MAP2: variants seen among roughly 807,000 people sequenced by gnomAD.
The protein encoded by MAP2 is microtubule-associated protein 2.
A neutral mutation model predicts 137.6 loss-of-function variants in MAP2; 14 were observed. The ratio of observed to expected loss-of-function variants is 0.10; its 90% CI spans 0.07 to 0.16. MAP2 has a LOEUF of 0.16. Ranked by LOEUF, MAP2 falls within the 10% of genes least tolerant of loss-of-function variation. The probability of loss-of-function intolerance (pLI) is 1.00; values close to 1 mark genes in which losing one functional copy is unlikely to be tolerated. For synonymous variants in MAP2, 786 were observed against 782.3 expected, an observed-to-expected ratio of 1.00 and a Z score of -0.08; for missense variants, 2,088 against 2,191.5, an observed-to-expected ratio of 0.95 and a Z score of 0.94.
At chr2:209,666,597 A>G (rs1293027798) in intron 5 of MAP2, among the ~76,000 whole-genome samples, 1 of 152,094 alleles carries the variant, frequency 6.6e-6, no homozygotes, top group Non-Finnish European at 1.5e-5. Context: ...TCCTAATACA[A>G]CATCAAAAAT....
intron 2 of MAP2, among the ~76,000 whole-genome samples, chr2:209,509,364 A>G (rs1458735867): frequency 3.3e-5 from 5 of 151,932 alleles, no homozygotes; most frequent in African/African-American, 9.7e-5. Context: ...TGACTTGCCT[A>G]TTTTCAAATA....
chr2:209,495,140 T>C (rs1206892350), intron 1 of MAP2, among the ~76,000 whole-genome samples: 2 of 152,188 alleles, frequency 1.3e-5, no homozygotes, highest in East Asian at 3.8e-4. Flanking sequence ...TGTAGATTCC[T>C]CCTCTCTGGA....
At chr2:209,722,177 A>G (rs2071377388) in intron 13 of MAP2, among the ~76,000 whole-genome samples, 1 of 152,208 alleles carries the variant, frequency 6.6e-6, no homozygotes, top group Admixed American at 6.5e-5. Flanking sequence ...AGCCTGTTTA[A>G]ATTGCAACTT....
chr2:209,539,471 G>A lies in MAP2; in HGVS notation c.-172+31830G>A, dbSNP rs142986467. On this transcript the variant is annotated intron_variant, in intron 2 of 15. Transcript: ENST00000682079. ...GAAGAAAACAATGAATAATCTCTAT[G>A]CTGAGTATCTATCTAAAGTCTAGGA... Among the ~76,000 whole-genome samples, 1,455 of 152,280 alleles carry A rather than the reference G, an allele frequency of 9.6e-3. 18 individuals are homozygous for A. The highest frequency in any genetic ancestry group is 0.034 in the African/African-American group (1,396 of 41,546).
intron 3 of MAP2, among the ~76,000 whole-genome samples, chr2:209,599,574 A>G (rs1213001130): frequency 6.6e-6 from 1 of 152,204 alleles, no homozygotes; most frequent in Non-Finnish European, 1.5e-5. Flanking sequence ...AACACATTCT[A>G]GAAAATTCAA....
chr2:209,647,218 G>A (rs920212376), intron 4 of MAP2, among the ~76,000 whole-genome samples: 4 of 152,034 alleles, frequency 2.6e-5, no homozygotes, highest in Non-Finnish European at 4.4e-5. Flanking sequence ...ACCACACCAC[G>A]ATCCAGTCAC....
intron 3 of MAP2, 91 bp downstream of exon 3, chr2:209,580,191 C>T (rs546960095): frequency 3.0e-4 from 45 of 152,036 alleles, no homozygotes; most frequent in South Asian, 1.2e-3. Context: ...TATGATTGGT[C>T]TTTTATCCTT....
chr2:209,438,673 T>G (rs1696984565), intron 1 of MAP2, among the ~76,000 whole-genome samples: 1 of 151,424 alleles, frequency 6.6e-6, no homozygotes, highest in African/African-American at 2.4e-5. Context: ...ATCTGGAAAA[T>G]GCTTCTCCTT....
intron 12 of MAP2, among the ~76,000 whole-genome samples, chr2:209,707,005 T>G (rs913371102): frequency 2.6e-5 from 4 of 152,160 alleles, no homozygotes; most frequent in African/African-American, 9.6e-5. Flanking sequence ...CATTTAAGAT[T>G]TAGTACTCTC....
At chr2:209,661,227 AT>A (rs1379374659) in intron 5 of MAP2, among the ~76,000 whole-genome samples, 1 of 152,010 alleles carries the variant, frequency 6.6e-6, no homozygotes, top group Non-Finnish European at 1.5e-5. Flanking sequence ...TAGATTTGCG[AT>A]TTACTAATAG....
At position 209,672,271 on chromosome 2, in the gene MAP2, T is replaced by G. The variant is rs1463182689; in HGVS notation, c.263-6301T>G. On this transcript the variant is annotated intron_variant, in intron 5 of 15. Transcript: ENST00000682079. ...GTATTGTCTGTTAGGGTCCCAGCAG[T>G]GACCCAACATTTCAGCAAGGAGGTA... Among the ~76,000 whole-genome samples the G allele has an allele frequency of 5.9e-5, 9 of 151,810 alleles. No homozygotes were observed. In the South Asian group the frequency reaches 1.0e-3, roughly 18 times the overall value.
intron 2 of MAP2, among the ~76,000 whole-genome samples, chr2:209,540,790 G>A (rs2153240371): frequency 6.6e-6 from 1 of 150,518 alleles, no homozygotes; most frequent in South Asian, 2.1e-4. Context: ...AATGCATTGA[G>A]GATTTTCAAA....
intron 1 of MAP2, among the ~76,000 whole-genome samples, chr2:209,504,197 G>A (rs1314891258): frequency 6.6e-6 from 1 of 151,846 alleles, no homozygotes; most frequent in African/African-American, 2.4e-5. Context: ...CAAGTAAGTT[G>A]GAATGTCTTT....
At chr2:209,624,908 A>G (rs1211197688) in intron 3 of MAP2, 145 bp from the exon 4 acceptor site, 1 of 152,238 alleles carries the variant, frequency 6.6e-6, no homozygotes, top group Non-Finnish European at 1.5e-5. Flanking sequence ...TATGACCACT[A>G]TAAAGAACCA....
chr2:209,537,119 T>C (rs915957826), intron 2 of MAP2, among the ~76,000 whole-genome samples: 1 of 152,226 alleles, frequency 6.6e-6, no homozygotes, highest in East Asian at 1.9e-4. Context: ...CACACTTATA[T>C]TAAGCAAGTC....
chr2:209,659,039 C>A (rs184769449), intron 5 of MAP2, among the ~76,000 whole-genome samples: 1 of 152,228 alleles, frequency 6.6e-6, no homozygotes, highest in Non-Finnish European at 1.5e-5. Context: ...GACTAAGGCA[C>A]AGAATGGCTG....
At chr2:209,427,496 C>A (rs1692895788) in intron 1 of MAP2, among the ~76,000 whole-genome samples, 1 of 152,100 alleles carries the variant, frequency 6.6e-6, no homozygotes. Flanking sequence ...TAGACCTTTT[C>A]ATGTAAGGAC....
At chr2:209,494,664 G>T (rs2059540664) in intron 1 of MAP2, among the ~76,000 whole-genome samples, 1 of 152,162 alleles carries the variant, frequency 6.6e-6, no homozygotes, top group Admixed American at 6.5e-5. Context: ...AGCCCTCAGG[G>T]CTGCTATGCC....
rs529458126 is a variant in MAP2 at position 209,604,758 on chromosome 2, A to G, written c.-106-20295A>G. 2.0e-5 allele frequency among the ~76,000 whole-genome samples: 3 copies of G among 152,276 alleles called. No homozygotes were observed. In the East Asian group the frequency reaches 5.8e-4, roughly 29 times the overall value. ...GCTTAAGCAAGAATAACAAATAATT[A>G]TCCTGCCATAAAGGAAAATACTGAT... On this transcript the variant is annotated intron_variant, in intron 3 of 15. Transcript: ENST00000682079.
Sources: allele counts gnomAD v4.1 joint callset (sites outside exome capture counted in the v4.1 genomes callset), GRCh38; gene constraint gnomAD v4.1.1; transcripts MANE v1.5; gene names NCBI Gene and HGNC (gene_info 2026-07-23, HGNC 2026-07-21).